The following SHBG variants were observed in gnomAD, a reference collection of about 807,000 sequenced individuals.
SHBG encodes the protein sex hormone binding globulin.
Under a neutral mutation model 41.9 loss-of-function variants are expected in SHBG, and 37 were observed. The ratio of observed to expected loss-of-function variants is 0.88; its 90% confidence interval spans 0.68 to 1.16. SHBG has a LOEUF of 1.16. Among genes scored for constraint, SHBG ranks in the 50% most tolerant of loss-of-function variants. The pLI is 0.00. For synonymous variants in SHBG, 217 were observed against 205.8 expected (o/e 1.05, Z -0.47); for missense variants, 466 against 499.9 (o/e 0.93, Z 0.65).
intron 1 of SHBG, among the ~76,000 whole-genome samples, chr17:7,621,985 C>T (rs1485058521): frequency 1.1e-4 from 17 of 150,710 alleles, no homozygotes; most frequent in South Asian, 2.1e-4. Flanking sequence ...TACAGGCATG[C>T]GCCACCATGC....
upstream of SHBG, among the ~76,000 whole-genome samples, chr17:7,628,919 G>A (rs1290535262): frequency 6.6e-6 from 1 of 152,088 alleles, no homozygotes; most frequent in Non-Finnish European, 1.5e-5. Context: ...AGACAGGTGT[G>A]GTGGCGCATG....
At position 7,630,515 on chromosome 17, in the gene SHBG, G is replaced by A. The variant is rs780660129; in HGVS notation, c.203+8G>A. On this transcript the variant is annotated splice_region_variant and intron_variant, in intron 2 of 7. Coordinates refer to ENST00000380450, the MANE Select transcript of SHBG (RefSeq NM_001040.5). This position sits in a 1 kb window ranked among gnomAD's most constrained non-coding sequence, Gnocchi z 4.6. ...CCTCACCAAGATCACAAAGTATGGG[G>A]TTGGCCTAGCCCTTGACCCAGTCCC... The A allele has an allele frequency of 2.5e-6, 4 of 1,612,800 alleles. No homozygotes were observed. In the South Asian group the frequency reaches 4.4e-5, roughly 18 times the overall value.
At chr17:7,626,555 C>T, upstream of SHBG, 1 of 1,614,178 alleles carries the variant, frequency 6.2e-7, no homozygotes, top group Non-Finnish European at 8.5e-7. Context: ...AGTCCATGGC[C>T]CTCTGGTTCC....
chr17:7,629,303 G>A (rs1286430857), upstream of SHBG, among the ~76,000 whole-genome samples: 1 of 151,780 alleles, frequency 6.6e-6, no homozygotes, highest in Non-Finnish European at 1.5e-5. Context: ...GCTTGAACTC[G>A]AGAGGCAGAG....
chr17:7,620,757 A>G (rs952401024), intron 1 of SHBG, among the ~76,000 whole-genome samples: 4 of 151,694 alleles, frequency 2.6e-5, no homozygotes, highest in African/African-American at 9.7e-5. Context: ...CAGTTTCCCA[A>G]ATAGCTTGGA....
upstream of SHBG, chr17:7,627,642 C>G (rs1436952077): frequency 6.2e-7 from 1 of 1,613,904 alleles, no homozygotes; most frequent in Admixed American, 1.7e-5. The surrounding 1 kb of genome is among the most constrained non-coding windows in gnomAD (Gnocchi z 4.8). Flanking sequence ...CCATCCGGAT[C>G]CCCGCTGTCT....
Position 7,632,914 on chromosome 17 carries a change from C to T in SHBG, c.1015C>T (p.Leu339Phe). The T allele has an allele frequency of 6.2e-7, 1 of 1,614,180 alleles. No individual in the cohort carries two copies. Among genetic ancestry groups the T allele is most frequent in the Non-Finnish European group, 8.5e-7 (1 of 1,180,032 alleles). ...CTTAGGCCTGGCTCCCCTCCTTAACCTCTGGGCCAAGCCTCAAGGGCGTCT... is the reference window on the plus strand; with the variant it reads ...CTTAGGCCTGGCTCCCCTCCTTAACTTCTGGGCCAAGCCTCAAGGGCGTCT... Reference protein sequence around the residue: ...PPLGLAPLLNLWAKPQGRLFL... With the variant: ...PPLGLAPLLNFWAKPQGRLFL... Residue 339 changes from leucine (L) to phenylalanine (F), a missense_variant, in exon 7 of 8, where the codon CTC (leucine) becomes TTC (phenylalanine). Physicochemically the swap from Leu to Phe is conservative, Grantham distance 22. Coordinates refer to ENST00000380450, the MANE Select transcript of SHBG (RefSeq NM_001040.5).
upstream of SHBG, chr17:7,627,499 G>A (rs147362343): frequency 0.014 from 22,256 of 1,564,146 alleles, 191 homozygotes; most frequent in Middle Eastern, 0.021. The surrounding 1 kb of genome is among the most constrained non-coding windows in gnomAD (Gnocchi z 4.8). Flanking sequence ...CCCTCCCCCT[G>A]CCCCCGCCTC....
At chr17:7,616,611 C>A (rs771520505) in intron 1 of SHBG, among the ~76,000 whole-genome samples, 5 of 145,092 alleles carry the variant, frequency 3.4e-5, no homozygotes, top group Non-Finnish European at 7.5e-5. Context: ...GGCGACAGAG[C>A]GAGACTCCAT....
chr17:7,628,882 C>T (rs2072310291), upstream of SHBG, among the ~76,000 whole-genome samples: 1 of 151,810 alleles, frequency 6.6e-6, no homozygotes, highest in South Asian at 2.1e-4. Flanking sequence ...ATGGTGAAAC[C>T]CCGTCTCTAC....
chr17:7,618,559 G>A (rs1260233325), intron 1 of SHBG, among the ~76,000 whole-genome samples: 1 of 151,992 alleles, frequency 6.6e-6, no homozygotes, highest in Non-Finnish European at 1.5e-5. Context: ...CACCCACCTC[G>A]GCTGCCCAAA....
At chr17:7,616,640 AAAT>A (rs1047730937) in intron 1 of SHBG, among the ~76,000 whole-genome samples, 1 of 140,378 alleles carries the variant, frequency 7.1e-6, no homozygotes, top group Non-Finnish European at 1.5e-5. Context: ...CAACAACAAC[AAAT>A]AATAATAATA....
rs6261 is a variant in SHBG at position 7,632,766 on chromosome 17, T to C, written c.867T>C (p.Ser289=). 8.7e-5 allele frequency: 141 copies of C among 1,613,660 alleles called. 1 individual carries two copies. The African/African-American group carries it at 1.6e-3, about 18-fold the overall frequency. The part of the protein sequence containing the change: ...LHLQDQKVVL[S]SGSGPGLDLP... ...ACACTCTGCAGAAGGTGGTGTTGTC[T>C]TCTGGGTCGGGGCCAGGGCTGGATC... is the stretch of plus-strand genomic sequence containing the variant. The change falls in exon 7 of 8, where the codon TCT becomes TCC. Residue 289 remains serine, a synonymous_variant. Coordinates refer to ENST00000380450, the MANE Select transcript of SHBG (RefSeq NM_001040.5).
At chr17:7,627,429 C>A (rs112768614), upstream of SHBG, 3 of 1,613,994 alleles carry the variant, frequency 1.9e-6, no homozygotes, top group Admixed American at 3.3e-5. This position sits in a 1 kb window ranked among gnomAD's most constrained non-coding sequence, Gnocchi z 4.8. Flanking sequence ...GGCGTGGGTA[C>A]GGAAGCTAGA....
At chr17:7,614,527 G>A in intron 1 of SHBG, 1 of 1,484,796 alleles carries the variant, frequency 6.7e-7, no homozygotes, top group East Asian at 2.8e-5. Flanking sequence ...AGGCCAGGCC[G>A]CCCATGGCGC....
In SHBG at chr17:7,632,048, C is replaced by G. The variant is rs779062928; in HGVS notation, c.852+33C>G. The G allele has an allele frequency of 3.7e-6, 6 of 1,608,682 alleles. No individual in the cohort carries two copies. In the East Asian group the frequency reaches 1.3e-4, roughly 36 times the overall value. The stretch of plus-strand genomic sequence containing the variant: ...GGGACAGTGGGGCATTGCCTGTATT[C>G]AGTGGAGCCTGGAGCAATGAGGGAA... On this transcript the variant is annotated intron_variant, in intron 6 of 7. Coordinates refer to ENST00000380450, the MANE Select transcript of SHBG (RefSeq NM_001040.5).
chr17:7,617,217 G>A (rs911138758), intron 1 of SHBG, among the ~76,000 whole-genome samples: 1 of 151,930 alleles, frequency 6.6e-6, no homozygotes, highest in Admixed American at 6.6e-5. Flanking sequence ...ATTTAATGGT[G>A]GAGACAAACA....
At chr17:7,615,957 C>T (rs1255443348) in intron 1 of SHBG, among the ~76,000 whole-genome samples, 1 of 151,668 alleles carries the variant, frequency 6.6e-6, no homozygotes. Context: ...TCACTTGAGC[C>T]CAAAAGTTTG....
At chr17:7,614,931 G>A (rs1190951828) in intron 1 of SHBG, 1 of 152,932 alleles carries the variant, frequency 6.5e-6, no homozygotes, top group Non-Finnish European at 1.5e-5. Flanking sequence ...GCTGCGCGCG[G>A]GGCCCCGAGG....
Sources: allele counts gnomAD v4.1 joint callset (sites outside exome capture counted in the v4.1 genomes callset), GRCh38; gene constraint gnomAD v4.1.1; non-coding constraint Gnocchi (gnomAD v3.1); transcripts MANE v1.5; gene names NCBI Gene and HGNC (gene_info 2026-07-23, HGNC 2026-07-21).